The following PTPN4 variants were observed in gnomAD, a reference collection of about 807,000 sequenced individuals.
The protein encoded by PTPN4 is protein tyrosine phosphatase non-receptor type 4.
A neutral mutation model predicts 135.5 loss-of-function variants in PTPN4; 49 were observed. That is an observed-to-expected ratio of 0.36 (90% CI 0.29 to 0.46). The LOEUF (loss-of-function observed/expected upper bound fraction) is 0.46. Among genes scored for constraint, PTPN4 ranks in the 20% least tolerant of loss-of-function variants. The pLI, the probability that PTPN4 is intolerant of heterozygous loss-of-function variation, is 1.00. For missense variants in PTPN4, 860 were observed against 1,101.0 expected (o/e 0.78, Z 3.10); for synonymous variants, 333 against 369.9 (o/e 0.90, Z 1.14).
chr2:119,801,249 G>A (rs986686358), intron 1 of PTPN4, among the ~76,000 whole-genome samples: 1 of 152,162 alleles, frequency 6.6e-6, no homozygotes, highest in East Asian at 1.9e-4. Flanking sequence ...CACCACGCCT[G>A]GCTAATTTTT....
intron 20 of PTPN4, among the ~76,000 whole-genome samples, chr2:119,955,704 G>T (rs1002568959): frequency 2.0e-5 from 3 of 152,080 alleles, no homozygotes; most frequent in Non-Finnish European, 4.4e-5. Flanking sequence ...TTGGGAGGCC[G>T]AGGCGGGCGG....
At position 119,981,823 on chromosome 2, in the gene PTPN4, A is replaced by T. The variant is rs1443346308; in HGVS notation, c.*4753A>T. 1 of 152,164 alleles carries T rather than the reference A, an allele frequency of 6.6e-6. No individual in the cohort carries two copies. The highest frequency in any genetic ancestry group is 1.5e-5 in the Non-Finnish European group (1 of 68,000). 9.4% of individuals were successfully genotyped at this position (152,164 alleles called of 1,614,324 possible). ...TAGTCCTGATGAATTTGTTGTGAGT[A>T]GACACCACATAGTTATTTCTGTTTG... On this transcript the variant is annotated 3_prime_UTR_variant, in exon 27 of 27. Transcript: ENST00000263708.
At chr2:119,918,843 C>T (rs530945695) in intron 11 of PTPN4, among the ~76,000 whole-genome samples, 6 of 152,098 alleles carry the variant, frequency 3.9e-5, no homozygotes, top group South Asian at 2.1e-4. Flanking sequence ...TGTCTGTGAA[C>T]AGTAAAGTGG....
chr2:119,931,348 A>G (rs1424293472), intron 13 of PTPN4, among the ~76,000 whole-genome samples: 2 of 151,902 alleles, frequency 1.3e-5, no homozygotes, highest in African/African-American at 4.8e-5. Flanking sequence ...TAACATTCCT[A>G]AAATTCTAAG....
chr2:119,930,042 A>T (rs545799014), intron 13 of PTPN4, among the ~76,000 whole-genome samples: 6 of 152,300 alleles, frequency 3.9e-5, no homozygotes, highest in African/African-American at 1.4e-4. Flanking sequence ...AGTTTTATGC[A>T]TGAGGTAATA....
chr2:119,913,957 G>A lies in PTPN4; in HGVS notation c.765-1222G>A, dbSNP rs1285541885. Among the ~76,000 whole-genome samples, 3 of 151,826 alleles carry A rather than the reference G, an allele frequency of 2.0e-5. 1 individual carries two copies. Among genetic ancestry groups the A allele is most frequent in the South Asian group, 4.2e-4 (2 of 4,804 alleles). ...GGTATTTTTCTGAAAAAACTTTGTAGCAAATACAAGTCACACACAATACAT... is the reference window on the plus strand; with the variant it reads ...GGTATTTTTCTGAAAAAACTTTGTAACAAATACAAGTCACACACAATACAT... On this transcript the variant is annotated intron_variant, in intron 10 of 26. Coordinates refer to ENST00000263708, the MANE Select transcript of PTPN4 (RefSeq NM_002830.4).
chr2:119,957,698 A>T (rs1679308952), intron 22 of PTPN4, among the ~76,000 whole-genome samples: 1 of 152,152 alleles, frequency 6.6e-6, no homozygotes, highest in South Asian at 2.1e-4. Flanking sequence ...AAATTAAAGC[A>T]AACCGTAAAA....
chr2:119,849,528 CTG>C (rs752881722), intron 2 of PTPN4, among the ~76,000 whole-genome samples: 2 of 152,114 alleles, frequency 1.3e-5, no homozygotes, highest in Non-Finnish European at 2.9e-5. Context: ...TGTCGAACTC[CTG>C]GGCTCAAGCA....
At chr2:119,931,635 T>G (rs1267638281) in intron 13 of PTPN4, among the ~76,000 whole-genome samples, 6 of 152,030 alleles carry the variant, frequency 3.9e-5, no homozygotes, top group Non-Finnish European at 7.4e-5. Context: ...AGACAGAGTC[T>G]CCTTATGTTG....
intron 2 of PTPN4, among the ~76,000 whole-genome samples, chr2:119,845,509 T>G (rs1309113995): frequency 6.6e-6 from 1 of 152,162 alleles, no homozygotes; most frequent in Admixed American, 6.5e-5. Flanking sequence ...TCGGCATACA[T>G]TTGTTCATAA....
Position 119,816,595 on chromosome 2 carries a change from A to G in PTPN4, c.138+6604A>G, listed in dbSNP as rs141653016. Among the ~76,000 whole-genome samples the G allele has an allele frequency of 3.3e-5, 5 of 152,254 alleles. No homozygotes were observed. In the East Asian group the frequency reaches 9.7e-4, roughly 29 times the overall value. On this transcript the variant is annotated intron_variant, in intron 2 of 26. Transcript: ENST00000263708. Reference sequence around the variant, plus strand: ...CATTGTAACATATCATGAAATAATTATACAGCTCACCATAATGTAGAGTCA... The same window carrying G: ...CATTGTAACATATCATGAAATAATTGTACAGCTCACCATAATGTAGAGTCA...
At chr2:119,841,105 T>G (rs1023401908) in intron 2 of PTPN4, among the ~76,000 whole-genome samples, 6 of 152,134 alleles carry the variant, frequency 3.9e-5, no homozygotes, top group Non-Finnish European at 8.8e-5. Context: ...AAATCCCATT[T>G]GTCAATTTTT....
chr2:119,973,202 C>T (rs963138636), intron 26 of PTPN4, among the ~76,000 whole-genome samples: 19 of 152,130 alleles, frequency 1.2e-4, no homozygotes, highest in African/African-American at 4.3e-4. Context: ...CACCATTCTA[C>T]TTTCTGTTCC....
At chr2:119,799,374 A>G (rs913684538) in intron 1 of PTPN4, among the ~76,000 whole-genome samples, 9 of 152,250 alleles carry the variant, frequency 5.9e-5, no homozygotes, top group African/African-American at 2.2e-4. Flanking sequence ...TTAGTAGAAC[A>G]TTTGAAAAAT....
intron 26 of PTPN4, among the ~76,000 whole-genome samples, chr2:119,975,649 C>G (rs1316416780): frequency 2.0e-5 from 3 of 152,052 alleles, no homozygotes; most frequent in African/African-American, 7.2e-5. Context: ...CTCTTGAACC[C>G]GGGAGGAGGA....
rs1054587194 is a variant in PTPN4, at chr2:119,983,637, G to T, written c.*6567G>T. ...TTTAAAATAAAATTATCCTAGAAGT[G>T]TTGTAAACGTGGGAAAATTTTAATT... On this transcript the variant is annotated 3_prime_UTR_variant, in exon 27 of 27. Coordinates refer to ENST00000263708, the MANE Select transcript of PTPN4 (RefSeq NM_002830.4). 2 of 152,176 alleles carry T rather than the reference G, an allele frequency of 1.3e-5. No individual in the cohort carries two copies. The highest frequency in any genetic ancestry group is 6.5e-5 in the Admixed American group (1 of 15,278). The allele number at this position is 152,176 out of a possible 1,614,324, so 9.4% of individuals were successfully genotyped here. A position where few individuals can be genotyped will look rare whatever the true frequency, so the allele number is the denominator to read the frequency against.
chr2:119,868,394 C>G (rs564921702), intron 3 of PTPN4, among the ~76,000 whole-genome samples: 2 of 152,236 alleles, frequency 1.3e-5, no homozygotes, highest in East Asian at 3.9e-4. Context: ...GATACAACCA[C>G]TTTTTGAAAA....
At chr2:119,827,543 T>G (rs79229708) in intron 2 of PTPN4, among the ~76,000 whole-genome samples, 5,978 of 152,272 alleles carry the variant, frequency 0.039, 186 homozygotes, top group South Asian at 0.064. Flanking sequence ...AAATAACTTT[T>G]TATTACAAGT....
chr2:119,801,595 T>C (rs972322576), intron 1 of PTPN4, among the ~76,000 whole-genome samples: 6 of 152,318 alleles, frequency 3.9e-5, no homozygotes, highest in Non-Finnish European at 5.9e-5. Context: ...TTTTGTAGTT[T>C]TTAGCATAGA....
Sources: allele counts gnomAD v4.1 joint callset (sites outside exome capture counted in the v4.1 genomes callset), GRCh38; gene constraint gnomAD v4.1.1; transcripts MANE v1.5; gene names NCBI Gene and HGNC (gene_info 2026-07-23, HGNC 2026-07-21).